The following GRIA1 variants were observed in gnomAD, a reference collection of about 807,000 sequenced individuals.
The protein encoded by GRIA1 is glutamate ionotropic receptor AMPA type subunit 1, also known as glutamate receptor 1.
Under a neutral mutation model 99.2 loss-of-function variants are expected in GRIA1, and 31 were observed. The observed-to-expected ratio is 0.31, with a 90% CI of 0.23 to 0.42. GRIA1 has a LOEUF of 0.42. GRIA1 is among the 10% of genes least tolerant of loss of function. The pLI is 1.00. For missense variants in GRIA1, 782 were observed against 1,157.5 expected (o/e 0.68, Z 4.71); for synonymous variants, 438 against 432.4 (o/e 1.01, Z -0.16).
intron 2 of GRIA1, among the ~76,000 whole-genome samples, chr5:153,633,209 T>A (rs919144907): frequency 6.6e-6 from 1 of 152,188 alleles, no homozygotes; most frequent in Non-Finnish European, 1.5e-5. Flanking sequence ...CCTCAAATGC[T>A]TCCCCCAGTT....
At chr5:153,523,016 ATCTCTCTCTC>A (rs61177262) in intron 2 of GRIA1, among the ~76,000 whole-genome samples, 1 of 141,556 alleles carries the variant, frequency 7.1e-6, no homozygotes, top group African/African-American at 2.7e-5. Context: ...TGTTCCTGAT[ATCTCTCTCTC>A]TCTCTCTCTC....
intron 2 of GRIA1, among the ~76,000 whole-genome samples, chr5:153,626,476 GTGTGTGTGTGTA>G (rs1448656676): frequency 4.6e-4 from 68 of 148,982 alleles, no homozygotes; most frequent in African/African-American, 1.4e-3. Flanking sequence ...GTGTGTGTGT[GTGTGTGTGTGTA>G]TGTGTTGTGC....
At chr5:153,799,418 G>A (rs1765855489) in intron 14 of GRIA1, among the ~76,000 whole-genome samples, 1 of 152,204 alleles carries the variant, frequency 6.6e-6, no homozygotes. Context: ...CATGGCCTGA[G>A]GCCTCCTTAG....
chr5:153,721,735 G>C (rs889013388), intron 11 of GRIA1, among the ~76,000 whole-genome samples: 1 of 152,028 alleles, frequency 6.6e-6, no homozygotes, highest in Non-Finnish European at 1.5e-5. Context: ...CCATTTTGTG[G>C]ATATACCACA....
Position 153,758,789 on chromosome 5 carries a change from G to A in GRIA1, c.1824-5645G>A, listed in dbSNP as rs544385509. On this transcript the variant is annotated intron_variant, in intron 11 of 15. Transcript: ENST00000285900. ...GTTATTTGCAACAGAACATAGAACA[G>A]TCTACAGCATATATCACATAGAAAA... 2.0e-5 allele frequency among the ~76,000 whole-genome samples: 3 copies of A among 151,968 alleles called. No individual in the cohort carries two copies. The South Asian group carries it at 6.2e-4, about 31-fold the overall frequency.
chr5:153,553,199 G>T (rs1313669921), intron 2 of GRIA1, among the ~76,000 whole-genome samples: 1 of 152,188 alleles, frequency 6.6e-6, no homozygotes. Flanking sequence ...TCAGCCAAAA[G>T]AACATTATTT....
intron 5 of GRIA1, among the ~76,000 whole-genome samples, chr5:153,664,250 A>G (rs1052009808): frequency 6.6e-6 from 1 of 152,242 alleles, no homozygotes; most frequent in African/African-American, 2.4e-5. Flanking sequence ...GACAGGTAAC[A>G]TAGTTAATCC....
intron 2 of GRIA1, among the ~76,000 whole-genome samples, chr5:153,533,562 T>C (rs763782244): frequency 9.2e-5 from 14 of 152,196 alleles, no homozygotes; most frequent in Non-Finnish European, 1.6e-4. Flanking sequence ...AAGAAACTTG[T>C]GTCTCAGCTT....
chr5:153,604,015 A>T (rs750674139), intron 2 of GRIA1, among the ~76,000 whole-genome samples: 1 of 152,206 alleles, frequency 6.6e-6, no homozygotes, highest in Non-Finnish European at 1.5e-5. Context: ...CTAGTTTATA[A>T]TCTCCAATAT....
intron 2 of GRIA1, among the ~76,000 whole-genome samples, chr5:153,583,417 C>T (rs1049167036): frequency 4.6e-5 from 7 of 152,162 alleles, no homozygotes; most frequent in African/African-American, 1.7e-4. Context: ...CCTTCCTTGA[C>T]TCTTCCTAGC....
intron 11 of GRIA1, among the ~76,000 whole-genome samples, chr5:153,761,119 G>A (rs1763157413): frequency 2.6e-5 from 4 of 151,988 alleles, no homozygotes; most frequent in Admixed American, 2.6e-4. Flanking sequence ...GTCTGGGCAA[G>A]GATTTTTTAA....
intron 8 of GRIA1, among the ~76,000 whole-genome samples, chr5:153,691,572 T>C (rs1392842994): frequency 6.6e-6 from 1 of 152,206 alleles, no homozygotes; most frequent in South Asian, 2.1e-4. Flanking sequence ...CCTGCTGATA[T>C]CAAAAGTAAT....
chr5:153,737,152 TTA>T (rs1761434683), intron 11 of GRIA1, among the ~76,000 whole-genome samples: 1 of 152,140 alleles, frequency 6.6e-6, no homozygotes, highest in African/African-American at 2.4e-5. Flanking sequence ...GCATAATGTA[TTA>T]TCTTATCATA....
chr5:153,619,695 T>TAA (rs113865115), intron 2 of GRIA1, among the ~76,000 whole-genome samples: 1 of 151,356 alleles, frequency 6.6e-6, no homozygotes, highest in Admixed American at 6.6e-5. Flanking sequence ...AAAATTATTT[T>TAA]AAAAAAAAGA....
At chr5:153,687,691 C>T (rs571507499) in intron 8 of GRIA1, among the ~76,000 whole-genome samples, 128 of 152,316 alleles carry the variant, frequency 8.4e-4, no homozygotes, top group Non-Finnish European at 1.6e-3. Context: ...ACATTTACAT[C>T]ACTGCAGAAA....
intron 2 of GRIA1, among the ~76,000 whole-genome samples, chr5:153,599,999 G>A (rs1764757184): frequency 1.3e-5 from 2 of 152,108 alleles, no homozygotes; most frequent in South Asian, 4.2e-4. Context: ...AAGCCCGCTA[G>A]ATAAGGTGGA....
chr5:153,489,925 A>C, upstream of GRIA1: 1 of 448,286 alleles, frequency 2.2e-6, no homozygotes, highest in Non-Finnish European at 4.5e-6. Context: ...AAGGGGGCCC[A>C]TTTTAAATGC....
At chr5:153,722,079 T>C (rs1453218419) in intron 11 of GRIA1, among the ~76,000 whole-genome samples, 1 of 152,218 alleles carries the variant, frequency 6.6e-6, no homozygotes, top group African/African-American at 2.4e-5. Context: ...AACTAGTACT[T>C]CTTTCATATT....
At chr5:153,540,853 A>G (rs1408179239) in intron 2 of GRIA1, among the ~76,000 whole-genome samples, 1 of 152,176 alleles carries the variant, frequency 6.6e-6, no homozygotes, top group Non-Finnish European at 1.5e-5. Flanking sequence ...GGCAAAGGGA[A>G]GAATCTATAC....
Sources: allele counts gnomAD v4.1 joint callset (sites outside exome capture counted in the v4.1 genomes callset), GRCh38; gene constraint gnomAD v4.1.1; transcripts MANE v1.5; gene names NCBI Gene and HGNC (gene_info 2026-07-23, HGNC 2026-07-21).